The following FAF1 variants were observed in gnomAD, a reference collection of about 807,000 sequenced individuals.
FAF1 encodes Fas associated factor 1, also known as FAS-associated factor 1.
A neutral mutation model predicts 92.5 loss-of-function variants in FAF1; 25 were observed. The ratio of observed to expected loss-of-function variants is 0.27; its 90% CI spans 0.20 to 0.38. The LOEUF (loss-of-function observed/expected upper bound fraction) is 0.38. FAF1 is among the 10% of genes least tolerant of loss of function. FAF1 has a pLI of 1.00. For synonymous variants in FAF1, 234 were observed against 273.2 expected (o/e 0.86, Z 1.42); for missense variants, 636 against 793.3 (o/e 0.80, Z 2.38).
chr1:50,886,141 C>A (rs1260983124), intron 1 of FAF1, among the ~76,000 whole-genome samples: 2 of 152,076 alleles, frequency 1.3e-5, no homozygotes, highest in Admixed American at 6.6e-5. Flanking sequence ...TTATATTATT[C>A]TGTGTTTTTC....
chr1:50,444,212 G>A (rs1203940360), intron 18 of FAF1, among the ~76,000 whole-genome samples: 4 of 152,200 alleles, frequency 2.6e-5, no homozygotes, highest in Non-Finnish European at 5.9e-5. Flanking sequence ...TGGCCATGCT[G>A]TGAAACTGTC....
chr1:50,793,761 T>C (rs888290672), intron 3 of FAF1, among the ~76,000 whole-genome samples: 1 of 152,216 alleles, frequency 6.6e-6, no homozygotes, highest in Non-Finnish European at 1.5e-5. Context: ...TAATAGTCTA[T>C]AGAGATCTTG....
intron 8 of FAF1, among the ~76,000 whole-genome samples, chr1:50,622,640 T>G (rs1653270129): frequency 6.6e-6 from 1 of 152,186 alleles, no homozygotes; most frequent in Non-Finnish European, 1.5e-5. Context: ...GGACATGTAT[T>G]AGAATTTTAC....
At chr1:50,712,037 A>T (rs1261821556) in intron 6 of FAF1, among the ~76,000 whole-genome samples, 1 of 152,228 alleles carries the variant, frequency 6.6e-6, no homozygotes, top group East Asian at 1.9e-4. Flanking sequence ...TTACTATCAT[A>T]CAAAAAAGGT....
intron 1 of FAF1, among the ~76,000 whole-genome samples, chr1:50,862,948 T>A (rs1644448105): frequency 6.6e-6 from 1 of 151,930 alleles, no homozygotes; most frequent in African/African-American, 2.4e-5. Context: ...AATATTCCAC[T>A]GACAGCACTA....
intron 2 of FAF1, among the ~76,000 whole-genome samples, chr1:50,832,914 TTC>T (rs1355867040): frequency 6.6e-6 from 1 of 152,226 alleles, no homozygotes; most frequent in Non-Finnish European, 1.5e-5. Flanking sequence ...GAATACCTAA[TTC>T]TCTGTTTAAG....
At chr1:50,456,913 A>C (rs1427295782) in intron 18 of FAF1, among the ~76,000 whole-genome samples, 1 of 152,170 alleles carries the variant, frequency 6.6e-6, no homozygotes, top group Non-Finnish European at 1.5e-5. Context: ...TCGTGTGTAC[A>C]ATTTTTTGTT....
intron 5 of FAF1, among the ~76,000 whole-genome samples, chr1:50,742,724 T>A (rs1489628604): frequency 6.6e-6 from 1 of 152,166 alleles, no homozygotes; most frequent in Non-Finnish European, 1.5e-5. Flanking sequence ...AATGAATGAA[T>A]AAATAACTAC....
At chr1:50,761,149 A>C (rs1315075726) in intron 4 of FAF1, among the ~76,000 whole-genome samples, 6 of 152,226 alleles carry the variant, frequency 3.9e-5, no homozygotes, top group Non-Finnish European at 7.3e-5. Context: ...AAGAAGTTGA[A>C]TCTCTGAATA....
Position 50,959,896 on chromosome 1 carries a change from C to A in FAF1, c.-85G>T. 1.2e-6 allele frequency: 1 copy of A among 806,372 alleles called. No homozygotes were observed. The allele number at this position is 806,372 out of a possible 1,614,324, so 50.0% of individuals were successfully genotyped here. A position where few individuals can be genotyped will look rare whatever the true frequency, so the allele number is the denominator to read the frequency against. On this transcript the variant is annotated 5_prime_UTR_variant, in exon 1 of 19. Coordinates refer to ENST00000396153, the MANE Select transcript of FAF1 (RefSeq NM_007051.3). ...CCTCCTGCGACCGTCGCCGCCACCG[C>A]CGCCGCCGCCGCCGGGCGCCGAGGG...
At chr1:50,777,807 C>T (rs559813713) in intron 4 of FAF1, among the ~76,000 whole-genome samples, 3 of 151,118 alleles carry the variant, frequency 2.0e-5, no homozygotes, top group Non-Finnish European at 2.9e-5. Context: ...AAAGATTAAC[C>T]AGATTAAGTG....
At chr1:50,738,191 C>A (rs1287611269) in intron 6 of FAF1, among the ~76,000 whole-genome samples, 1 of 152,060 alleles carries the variant, frequency 6.6e-6, no homozygotes, top group African/African-American at 2.4e-5. Flanking sequence ...TGCCTGTAAT[C>A]CCAGCACTTT....
intron 3 of FAF1, among the ~76,000 whole-genome samples, chr1:50,792,277 T>C (rs1190080546): frequency 6.6e-6 from 1 of 152,210 alleles, no homozygotes; most frequent in Non-Finnish European, 1.5e-5. Flanking sequence ...CTTGTAACCA[T>C]AGGTACAACT....
chr1:50,528,373 A>G (rs1299426520), intron 15 of FAF1, among the ~76,000 whole-genome samples: 1 of 152,190 alleles, frequency 6.6e-6, no homozygotes, highest in Non-Finnish European at 1.5e-5. Flanking sequence ...AAAAAATTCT[A>G]TTGATTTAAC....
intron 5 of FAF1, among the ~76,000 whole-genome samples, chr1:50,744,129 G>A (rs912514744): frequency 1.3e-5 from 2 of 151,856 alleles, no homozygotes; most frequent in Non-Finnish European, 2.9e-5. Context: ...CCTAAGAATA[G>A]CAACTATTTC....
rs955970798 is a variant in FAF1 at position 50,628,326 on chromosome 1, C to G, written c.744+27116G>C. Among the ~76,000 whole-genome samples the G allele has an allele frequency of 3.3e-5, 5 of 152,140 alleles. No individual in the cohort carries two copies. The South Asian group carries it at 1.0e-3, about 32-fold the overall frequency. ...GAACTAGAAACAACATTTTCTGTCCCCATATTCATTGCTCTTTTTCTACAC... is the reference window on the plus strand; with the variant it reads ...GAACTAGAAACAACATTTTCTGTCCGCATATTCATTGCTCTTTTTCTACAC... On this transcript the variant is annotated intron_variant, in intron 8 of 18. Transcript: ENST00000396153.
At chr1:50,705,646 G>A (rs541402725) in intron 7 of FAF1, 140 bp downstream of exon 7, 15 of 539,618 alleles carry the variant, frequency 2.8e-5, no homozygotes, top group South Asian at 1.2e-4. Flanking sequence ...AATCATTGAT[G>A]CTCCAGTTAA....
At chr1:50,715,403 A>G (rs1658128907) in intron 6 of FAF1, among the ~76,000 whole-genome samples, 1 of 152,118 alleles carries the variant, frequency 6.6e-6, no homozygotes, top group Non-Finnish European at 1.5e-5. Context: ...GGAGTTTAAG[A>G]CCAGCCTGGG....
chr1:50,716,426 G>T (rs1569824164), intron 6 of FAF1, among the ~76,000 whole-genome samples: 1 of 152,292 alleles, frequency 6.6e-6, no homozygotes, highest in East Asian at 1.9e-4. Flanking sequence ...GACTAGGAAA[G>T]ATTAATTCAT....
Sources: allele counts gnomAD v4.1 joint callset (sites outside exome capture counted in the v4.1 genomes callset), GRCh38; gene constraint gnomAD v4.1.1; transcripts MANE v1.5; gene names NCBI Gene and HGNC (gene_info 2026-07-23, HGNC 2026-07-21).